Variants in GLI3 observed in about 807,000 individuals in gnomAD.
GLI3 encodes the protein transcription activator GLI3.
In GLI3, 20 loss-of-function variants were observed where a neutral mutation model predicts 100.8. That is an observed-to-expected ratio of 0.20 (90% confidence interval 0.14 to 0.29). The LOEUF is 0.29. GLI3 is among the 10% of genes least tolerant of loss of function. The probability of loss-of-function intolerance (pLI) is 1.00; values close to 1 mark genes in which losing one functional copy is unlikely to be tolerated. For synonymous variants in GLI3, 938 were observed against 860.5 expected (o/e 1.09, Z -1.58); for missense variants, 2,040 against 2,128.5 (o/e 0.96, Z 0.82).
intron 11 of GLI3, 76 bp from the exon 12 acceptor site, chr7:41,977,798 G>C: frequency 7.7e-7 from 1 of 1,306,222 alleles, no homozygotes; most frequent in Non-Finnish European, 1.1e-6. Context: ...CCTCCAAGTT[G>C]ATGAAAAACT....
chr7:42,147,637 C>A (rs958140352), intron 3 of GLI3, among the ~76,000 whole-genome samples: 1 of 152,138 alleles, frequency 6.6e-6, no homozygotes, highest in Non-Finnish European at 1.5e-5. Context: ...ATTTCTTAAA[C>A]GTGATTAGTG....
chr7:42,225,514 C>A (rs1183969688), intron 1 of GLI3, among the ~76,000 whole-genome samples: 1 of 152,144 alleles, frequency 6.6e-6, no homozygotes, highest in African/African-American at 2.4e-5. Flanking sequence ...CGCCCACCAC[C>A]ATGCCCAGCT....
At chr7:42,061,154 A>G (rs1323754377) in intron 4 of GLI3, among the ~76,000 whole-genome samples, 5 of 152,208 alleles carry the variant, frequency 3.3e-5, no homozygotes, top group Admixed American at 3.3e-4. Flanking sequence ...GTTGGGTTCC[A>G]ACTATTTAAT....
intron 1 of GLI3, among the ~76,000 whole-genome samples, chr7:42,260,025 C>T (rs6963827): frequency 0.84 from 127,121 of 152,130 alleles, 53,370 homozygotes; most frequent in Middle Eastern, 0.93. Context: ...AGGAAATTTA[C>T]CATGAGAAAA....
chr7:42,104,521 C>T (rs2128763504), intron 3 of GLI3, among the ~76,000 whole-genome samples: 1 of 152,262 alleles, frequency 6.6e-6, no homozygotes, highest in African/African-American at 2.4e-5. Flanking sequence ...TGAACCACTC[C>T]TGAGATTACT....
In GLI3 at chr7:41,965,657, G is replaced by C; in HGVS notation, c.3416C>G (p.Ala1139Gly). 6.2e-7 allele frequency: 1 copy of C among 1,612,718 alleles called. No individual in the cohort carries two copies. Among genetic ancestry groups the C allele is most frequent in the Non-Finnish European group, 8.5e-7 (1 of 1,179,126 alleles). The change falls in exon 15 of 15, where the codon GCT becomes GGT. Residue 1139 changes from alanine (A) to glycine (G), a missense_variant. Physicochemically the swap from Ala to Gly is moderately conservative, Grantham distance 60 (BLOSUM62 0). Coordinates refer to ENST00000395925, the MANE Select transcript of GLI3 (RefSeq NM_000168.6). ...FDAPGLPDSH[A>G]GQQFHALEQP... is the part of the protein sequence containing the mutation. ...CTCGAGGGCATGGAACTGCTGGCCA[G>C]CGTGGCTGTCTGGCAGCCCGGGCGC... is the stretch of plus-strand genomic sequence containing the variant.
chr7:42,184,890 T>C (rs906213423), intron 2 of GLI3, among the ~76,000 whole-genome samples: 2 of 152,152 alleles, frequency 1.3e-5, no homozygotes, highest in Non-Finnish European at 2.9e-5. Flanking sequence ...GCACCTTCGT[T>C]GCATCCTGAC....
In GLI3 at chr7:41,965,033, T is replaced by C; in HGVS notation, c.4040A>G (p.Gln1347Arg). The C allele has an allele frequency of 6.2e-7, 1 of 1,613,908 alleles. No homozygotes were observed. The highest frequency in any genetic ancestry group is 1.3e-5 in the African/African-American group (1 of 75,070). Residue 1347 changes from glutamine to arginine, a missense_variant, in exon 15 of 15, where the codon CAG becomes CGG. By Grantham distance (43) the Gln-to-Arg change is conservative. Coordinates refer to ENST00000395925, the MANE Select transcript of GLI3 (RefSeq NM_000168.6). ...AGRPGQQMLG[Q>R]ISATSHINIY... Reference sequence around the variant, plus strand: ...GTTGATGTGTGAGGTAGCACTAATCTGCCCAAGCATCTGCTGACCGGGGCG... The same window carrying C: ...GTTGATGTGTGAGGTAGCACTAATCCGCCCAAGCATCTGCTGACCGGGGCG...
intron 7 of GLI3, among the ~76,000 whole-genome samples, chr7:42,033,718 ATTTTT>A (rs111702567): frequency 1.3e-5 from 2 of 149,972 alleles, no homozygotes; most frequent in Non-Finnish European, 3.0e-5. Flanking sequence ...CCAAAGAACC[ATTTTT>A]TTTTTCCAGT....
intron 10 of GLI3, among the ~76,000 whole-genome samples, chr7:41,993,002 T>G (rs1788032341): frequency 6.6e-6 from 1 of 152,224 alleles, no homozygotes; most frequent in Non-Finnish European, 1.5e-5. Context: ...AACCTTTTGT[T>G]TCTCCCATGC....
intron 2 of GLI3, among the ~76,000 whole-genome samples, chr7:42,164,036 T>C (rs1252099977): frequency 6.6e-6 from 1 of 152,226 alleles, no homozygotes; most frequent in Non-Finnish European, 1.5e-5. Context: ...GTAATGGGTC[T>C]ATCTGGATAG....
At chr7:42,126,409 T>C (rs1786132767) in intron 3 of GLI3, among the ~76,000 whole-genome samples, 1 of 152,246 alleles carries the variant, frequency 6.6e-6, no homozygotes, top group Non-Finnish European at 1.5e-5. Flanking sequence ...GGTATGATTT[T>C]AATACTTTGC....
intron 1 of GLI3, among the ~76,000 whole-genome samples, chr7:42,244,592 A>T (rs1456233387): frequency 6.6e-6 from 1 of 152,194 alleles, no homozygotes; most frequent in Non-Finnish European, 1.5e-5. Flanking sequence ...TGAGTAAATT[A>T]TCTTTGTATG....
intron 4 of GLI3, among the ~76,000 whole-genome samples, chr7:42,068,674 A>C (rs533176592): frequency 6.6e-6 from 1 of 152,280 alleles, no homozygotes; most frequent in South Asian, 2.1e-4. Flanking sequence ...GCCCTGTGTC[A>C]TTGGCCTTTG....
intron 2 of GLI3, among the ~76,000 whole-genome samples, chr7:42,203,736 T>C (rs1004693702): frequency 1.3e-5 from 2 of 152,176 alleles, no homozygotes; most frequent in African/African-American, 4.8e-5. Context: ...TGGTGGCTCA[T>C]GCCTGTAATC....
chr7:42,041,714 T>C lies in GLI3; in HGVS notation c.827-1475A>G, dbSNP rs550959203. Among the ~76,000 whole-genome samples the C allele has an allele frequency of 7.2e-5, 11 of 152,282 alleles. No homozygotes were observed. The South Asian group carries it at 2.3e-3, about 32-fold the overall frequency. On this transcript the variant is annotated intron_variant, in intron 6 of 14. Transcript: ENST00000395925. ...GGAATATTTTATTCAATAAAGATGG[T>C]TCTTGATACAAGATAACAATCCAAC...
At chr7:42,216,715 C>T (rs1473652736) in intron 2 of GLI3, among the ~76,000 whole-genome samples, 1 of 151,972 alleles carries the variant, frequency 6.6e-6, no homozygotes, top group Admixed American at 6.6e-5. Flanking sequence ...AAGCTAGTTC[C>T]CCAAAGGACA....
chr7:42,086,551 T>C (rs554255456), intron 3 of GLI3, among the ~76,000 whole-genome samples: 2 of 152,192 alleles, frequency 1.3e-5, no homozygotes, highest in African/African-American at 4.8e-5. Context: ...CACCAAGCTC[T>C]GTCCAGGACA....
intron 2 of GLI3, among the ~76,000 whole-genome samples, chr7:42,157,017 T>C (rs1293575401): frequency 1.3e-5 from 2 of 152,248 alleles, no homozygotes; most frequent in African/African-American, 2.4e-5. Flanking sequence ...ACCATGCTTA[T>C]GCCCTTGCAG....
Sources: gnomAD v4.1 joint callset for allele counts (sites outside exome capture counted in the v4.1 genomes callset) on GRCh38, gnomAD v4.1.1 for gene constraint, MANE v1.5 for transcripts, NCBI Gene and HGNC (gene_info 2026-07-23, HGNC 2026-07-21) for gene names.